CYB5A: variants seen among roughly 807,000 people sequenced by gnomAD.
The protein encoded by CYB5A is cytochrome b5 type A, also known as cytochrome b5.
In CYB5A, 10 loss-of-function variants were observed where a neutral mutation model predicts 16.2. The observed-to-expected ratio is 0.62, with a 90% CI of 0.38 to 1.04. The LOEUF is 1.04. Ranked by LOEUF, CYB5A falls within the 50% of genes least tolerant of loss-of-function variation. The pLI is 0.01. For synonymous variants in CYB5A, 62 were observed against 57.0 expected (o/e 1.09, Z -0.40); for missense variants, 161 against 165.9 (o/e 0.97, Z 0.16).
intron 1 of CYB5A, among the ~76,000 whole-genome samples, chr18:74,268,796 G>A (rs1022449642): frequency 6.6e-6 from 1 of 152,156 alleles, no homozygotes; most frequent in African/African-American, 2.4e-5. Flanking sequence ...GAGAACAGGT[G>A]TCAGGCAGAG....
chr18:74,290,331 G>A (rs982236258), intron 1 of CYB5A, among the ~76,000 whole-genome samples: 28 of 152,152 alleles, frequency 1.8e-4, no homozygotes, highest in African/African-American at 6.5e-4. Context: ...TGCAACCTCT[G>A]CCTCCCAGGT....
chr18:74,262,333 G>A (rs893785492), intron 2 of CYB5A, among the ~76,000 whole-genome samples: 1 of 151,960 alleles, frequency 6.6e-6, no homozygotes, highest in South Asian at 2.1e-4. Context: ...GCCTGTGCCT[G>A]TAATCCCAGA....
intron 1 of CYB5A, among the ~76,000 whole-genome samples, chr18:74,289,649 G>A (rs1432523708): frequency 1.3e-5 from 2 of 152,012 alleles, no homozygotes; most frequent in Non-Finnish European, 2.9e-5. Context: ...GATGGTGTGC[G>A]CCTGTAATCC....
intron 1 of CYB5A, among the ~76,000 whole-genome samples, chr18:74,286,852 C>G (rs1441375235): frequency 6.6e-6 from 1 of 152,162 alleles, no homozygotes; most frequent in Non-Finnish European, 1.5e-5. Context: ...TGTGTTTTCC[C>G]TTCCTTATTT....
rs142701175 is a variant in CYB5A, at chr18:74,252,212, C to A, written c.*1372G>T. On this transcript the variant is annotated 3_prime_UTR_variant, in exon 5 of 5. Coordinates refer to ENST00000340533, the MANE Select transcript of CYB5A (RefSeq NM_148923.4). ...ACTGCACGCGGTCACTTCTGAAGAA[C>A]CTCGTGGTTTGTCAGCTCATGCCAG... is the stretch of plus-strand genomic sequence containing the variant. The A allele has an allele frequency of 1.3e-5, 2 of 152,222 alleles. No individual in the cohort carries two copies. Among genetic ancestry groups the A allele is most frequent in the African/African-American group, 2.4e-5 (1 of 41,456 alleles). The allele number at this position is 152,222 out of a possible 1,614,324, so 9.4% of individuals were successfully genotyped here. A position where few individuals can be genotyped will look rare whatever the true frequency, so the allele number is the denominator to read the frequency against.
chr18:74,291,641 T>G, intron 1 of CYB5A, 106 bp downstream of exon 1: 1 of 1,537,730 alleles, frequency 6.5e-7, no homozygotes, highest in Non-Finnish European at 8.9e-7. Context: ...GGGGCGCGCC[T>G]AGGCGTAGGT....
chr18:74,262,974 A>G (rs1215446155), intron 2 of CYB5A, among the ~76,000 whole-genome samples: 1 of 151,934 alleles, frequency 6.6e-6, no homozygotes, highest in Non-Finnish European at 1.5e-5. Context: ...ACACGGTGAA[A>G]CCCCGTCTCT....
At chr18:74,256,771 G>A (rs528829990) in intron 3 of CYB5A, 14 of 1,529,208 alleles carry the variant, frequency 9.2e-6, no homozygotes, top group South Asian at 4.5e-5. Flanking sequence ...AGAAACTCCC[G>A]TGAAAAGACA....
intron 1 of CYB5A, 21 bp from the exon 2 acceptor site, chr18:74,263,498 AT>A: frequency 1.2e-6 from 2 of 1,613,358 alleles, no homozygotes; most frequent in Non-Finnish European, 1.7e-6. Flanking sequence ...GAGAGGTAGA[AT>A]AAAAATTTTT....
intron 1 of CYB5A, among the ~76,000 whole-genome samples, chr18:74,265,507 C>A (rs1258415824): frequency 5.9e-5 from 9 of 152,216 alleles, no homozygotes; most frequent in African/African-American, 2.2e-4. Context: ...ACATATGTGT[C>A]TGGCACATCG....
chr18:74,262,892 G>A (rs1370678743), intron 2 of CYB5A, among the ~76,000 whole-genome samples: 1 of 152,162 alleles, frequency 6.6e-6, no homozygotes, highest in Non-Finnish European at 1.5e-5. Flanking sequence ...GCTCACGCCT[G>A]TAATCCCAAC....
At chr18:74,286,934 C>G (rs191939129) in intron 1 of CYB5A, among the ~76,000 whole-genome samples, 330 of 152,274 alleles carry the variant, frequency 2.2e-3, no homozygotes, top group Non-Finnish European at 3.7e-3. Context: ...GTTTTCTTTA[C>G]TGTTTCAAAA....
intron 1 of CYB5A, among the ~76,000 whole-genome samples, chr18:74,280,407 CAAA>C (rs149442312): frequency 1.2e-5 from 1 of 83,938 alleles, no homozygotes; most frequent in African/African-American, 4.1e-5. Context: ...CCTGTCTCTA[CAAA>C]AAAAAAAAAA....
rs1330463005 is a variant in CYB5A, at chr18:74,250,975, C to T, written c.*2609G>A. ...CTGAGGTCAGGAGTTCAAGACCAGC[C>T]TGGCTAACATGGTGAAATCCCGTCT... On this transcript the variant is annotated 3_prime_UTR_variant, in exon 5 of 5. Transcript: ENST00000340533. 1.3e-5 allele frequency: 2 copies of T among 152,156 alleles called. No homozygotes were observed. Among genetic ancestry groups the T allele is most frequent in the Non-Finnish European group, 2.9e-5 (2 of 68,088 alleles). 9.4% of individuals were successfully genotyped at this position (152,156 alleles called of 1,614,324 possible).
rs992602094 is a variant in CYB5A, at chr18:74,263,578, GAC to G, written c.130-103_130-102del. On this transcript the variant is annotated intron_variant, in intron 1 of 4. Transcript: ENST00000340533. The stretch of plus-strand genomic sequence containing the variant: ...AACCAAACAGGTGACTCCTTCAGAA[GAC>G]ACAGATGACAACAGGAGACTAACTT... 3 of 936,842 alleles carry G rather than the reference GAC, an allele frequency of 3.2e-6. No homozygotes were observed. In the African/African-American group the frequency reaches 6.1e-5, roughly 19 times the overall value. 58.0% of individuals were successfully genotyped at this position (936,842 alleles called of 1,614,324 possible). A position where few individuals can be genotyped will look rare whatever the true frequency, so the allele number is the denominator to read the frequency against.
intron 3 of CYB5A, chr18:74,256,807 A>G: frequency 1.2e-6 from 2 of 1,612,460 alleles, no homozygotes; most frequent in Non-Finnish European, 8.5e-7. Context: ...AAAGCAAGCA[A>G]AGCAGTTATG....
intron 4 of CYB5A, among the ~76,000 whole-genome samples, chr18:74,255,074 T>C (rs539432266): frequency 5.1e-4 from 78 of 152,264 alleles, no homozygotes; most frequent in African/African-American, 1.8e-3. Flanking sequence ...GGCTTGTTAA[T>C]GAAGAGTAAG....
At chr18:74,280,142 C>CA (rs1250314409) in intron 1 of CYB5A, among the ~76,000 whole-genome samples, 1 of 152,124 alleles carries the variant, frequency 6.6e-6, no homozygotes, top group African/African-American at 2.4e-5. Flanking sequence ...AGTGAGTACT[C>CA]AAAGGAGGTG....
chr18:74,285,540 AC>A (rs1250995176), intron 1 of CYB5A, among the ~76,000 whole-genome samples: 1 of 152,198 alleles, frequency 6.6e-6, no homozygotes, highest in East Asian at 1.9e-4. Context: ...CGAGAAATGC[AC>A]ACACTGGTGT....
Sources: gnomAD v4.1 joint callset for allele counts (sites outside exome capture counted in the v4.1 genomes callset) on GRCh38, gnomAD v4.1.1 for gene constraint, MANE v1.5 for transcripts, NCBI Gene and HGNC (gene_info 2026-07-23, HGNC 2026-07-21) for gene names.